The following GATA1 variants were observed in gnomAD, a reference collection of about 807,000 sequenced individuals.
The protein encoded by GATA1 is erythroid transcription factor.
Under a neutral mutation model 18.9 loss-of-function variants are expected in GATA1, and 2 were observed. The ratio of observed to expected loss-of-function variants is 0.11; its 90% CI spans 0.04 to 0.33. The LOEUF is 0.33. GATA1 is among the 10% of genes least tolerant of loss of function. The probability of loss-of-function intolerance (pLI) is 1.00; values close to 1 mark genes in which losing one functional copy is unlikely to be tolerated. For missense variants in GATA1, 272 were observed against 344.7 expected (o/e 0.79, Z 1.67); for synonymous variants, 152 against 149.1 (o/e 1.02, Z -0.14).
chrX:48,793,933 G>T lies in GATA1; in HGVS notation c.1011G>T (p.Val337=). The change falls in exon 6 of 6, where the codon GTG becomes GTT. Residue 337 remains valine, a synonymous_variant. Transcript: ENST00000376670. The part of the protein sequence containing the change: ...AEGPAGGFMV[V]AGGSGSGNCG... ...GACCAGCTGGTGGCTTTATGGTGGT[G>T]GCTGGGGGCAGCGGTAGCGGGAATT... The T allele has an allele frequency of 8.3e-7, 1 of 1,205,106 alleles. No homozygotes were observed. Among genetic ancestry groups the T allele is most frequent in the Non-Finnish European group, 1.1e-6 (1 of 891,777 alleles).
At chrX:48,791,787 G>T in intron 2 of GATA1, 57 bp from the exon 3 acceptor site, 1 of 1,191,719 alleles carries the variant, frequency 8.4e-7, no homozygotes. Context: ...CCTGACGTGC[G>T]CTGACCCTAG....
At position 48,791,293 on chromosome X, in the gene GATA1, T is replaced by G; in HGVS notation, c.184T>G (p.Tyr62Asp). 8 of 1,206,315 alleles carry G rather than the reference T, an allele frequency of 6.6e-6. No homozygotes were observed. The highest frequency in any genetic ancestry group is 9.0e-6 in the Non-Finnish European group (8 of 892,930). ...CACCGCTGCAGCTGCGGCACTGGCCTACTACAGGGACGCTGAGGCCTACAG... is the reference window on the plus strand; with the variant it reads ...CACCGCTGCAGCTGCGGCACTGGCCGACTACAGGGACGCTGAGGCCTACAG... ...TATAAAAALA[Y>D]YRDAEAYRHS... The change falls in exon 2 of 6, where the codon TAC becomes GAC. Residue 62 changes from tyrosine to aspartate, a missense_variant. Around this residue, in one of 3 missense-constraint regions of GATA1, gnomAD observed 147 missense variants for 157.4 expected, o/e 0.93. Transcript: ENST00000376670.
At chrX:48,788,586 A>G (rs1468120115) in intron 1 of GATA1, among the ~76,000 whole-genome samples, 9 of 111,689 alleles carry the variant, frequency 8.1e-5, no homozygotes, top group Non-Finnish European at 1.3e-4. Context: ...CTTTCCTAGC[A>G]TAACTCCCAA....
Position 48,793,852 on chromosome X carries a change from T to C in GATA1, c.930T>C (p.Ser310=). 1 of 1,208,936 alleles carries C rather than the reference T, an allele frequency of 8.3e-7. No homozygotes were observed. Among genetic ancestry groups the C allele is most frequent in the Middle Eastern group, 2.3e-4 (1 of 4,334 alleles). Residue 310 remains serine, a synonymous_variant, in exon 6 of 6, where the codon TCT becomes TCC. Transcript: ENST00000376670. ...DGIQTRNRKA[S]GKGKKKRGSS... Reference sequence around the variant, plus strand: ...TTCAGACTCGAAACCGCAAGGCATCTGGAAAAGGGAAAAAGAAACGGGGCT... The same window carrying C: ...TTCAGACTCGAAACCGCAAGGCATCCGGAAAAGGGAAAAAGAAACGGGGCT...
chrX:48,792,579 G>GCTA, intron 4 of GATA1, 111 bp downstream of exon 4: 2 of 978,790 alleles, frequency 2.0e-6, no homozygotes, highest in Non-Finnish European at 2.9e-6. Flanking sequence ...ATTACAGGAA[G>GCTA]CTACTGCAGG....
rs782198015 is a variant in GATA1, at chrX:48,794,043, G to C, written c.1121G>C (p.Gly374Ala). 1 of 1,209,631 alleles carries C rather than the reference G, an allele frequency of 8.3e-7. No homozygotes were observed. Among genetic ancestry groups the C allele is most frequent in the East Asian group, 3.0e-5 (1 of 33,727 alleles). Reference protein sequence around the residue: ...YQGLGPVVLSGPVSHLMPFPG... With the variant: ...YQGLGPVVLSAPVSHLMPFPG... ...GGCCTGGGCCCTGTGGTGCTGTCAG[G>C]GCCTGTTAGCCACCTCATGCCTTTC... The change falls in exon 6 of 6, where the codon GGG becomes GCG. Residue 374 changes from glycine to alanine, a missense_variant. This residue lies in a region of GATA1 where 83 missense variants were observed against 84.2 expected (regional missense o/e 0.99). Transcript: ENST00000376670.
At position 48,794,165 on chromosome X, in the gene GATA1, G is replaced by A. The variant is rs144017862; in HGVS notation, c.*1G>A. ...TGTGGTGGCTCCGCTCAGCTCATGA[G>A]GGCACAGAGCATGGCCTCCAGAGGA... is the stretch of plus-strand genomic sequence containing the variant. On this transcript the variant is annotated 3_prime_UTR_variant, in exon 6 of 6. Transcript: ENST00000376670. 80 of 1,184,201 alleles carry A rather than the reference G, an allele frequency of 6.8e-5. No homozygotes were observed. The African/African-American group carries it at 1.0e-3, about 15-fold the overall frequency.
In GATA1 at chrX:48,794,024, G is replaced by T; in HGVS notation, c.1102G>T (p.Gly368Cys). The part of the protein sequence containing the change: ...PGTAHLYQGL[G>C]PVVLSGPVSH... ...TACTGCCCATCTCTACCAAGGCCTGGGCCCTGTGGTGCTGTCAGGGCCTGT... is the reference window on the plus strand; with the variant it reads ...TACTGCCCATCTCTACCAAGGCCTGTGCCCTGTGGTGCTGTCAGGGCCTGT... Residue 368 changes from glycine to cysteine, a missense_variant, in exon 6 of 6, where the codon GGC becomes TGC. Physicochemically the swap from Gly to Cys is radical, Grantham distance 159 (BLOSUM62 -3). Coordinates refer to ENST00000376670, the MANE Select transcript of GATA1 (RefSeq NM_002049.4). 8.3e-7 allele frequency: 1 copy of T among 1,211,137 alleles called. No individual in the cohort carries two copies. The highest frequency in any genetic ancestry group is 1.1e-6 in the Non-Finnish European group (1 of 895,131).
intron 3 of GATA1, 38 bp downstream of exon 3, chrX:48,792,259 G>A (rs1401035115): frequency 8.3e-7 from 1 of 1,209,866 alleles, no homozygotes; most frequent in Non-Finnish European, 1.1e-6. Context: ...GTTGAGGTGG[G>A]AGGGGTGGCC....
intron 1 of GATA1, among the ~76,000 whole-genome samples, chrX:48,790,253 GACCAGCCTGGGCAACAGAGTCAT>G (rs2062669980): frequency 9.2e-6 from 1 of 109,023 alleles, no homozygotes; most frequent in Non-Finnish European, 1.9e-5. Context: ...AGGAGTTCAA[GACCAGCCTGGGCAACAGAGTCAT>G]ACCCCATTTC....
intron 1 of GATA1, among the ~76,000 whole-genome samples, chrX:48,790,115 G>T (rs1347065098): frequency 4.6e-5 from 5 of 108,911 alleles, no homozygotes; most frequent in African/African-American, 1.7e-4. Context: ...TGGAGGGGAG[G>T]AGAAAATGAG....
rs372469171 is a variant in GATA1, at chrX:48,792,458, A to G, written c.734A>G (p.Lys245Arg). Reference protein sequence around the residue: ...NGQNRPLIRPKKRLIVSKRAG... With the variant: ...NGQNRPLIRPRKRLIVSKRAG... The stretch of plus-strand genomic sequence containing the variant: ...CAGAACAGGCCCCTCATCCGGCCCA[A>G]GAAGCGCCTGGTAAGACCACAGACC... The change falls in exon 4 of 6, where the codon AAG becomes AGG. Residue 245 changes from lysine to arginine, a missense_variant. By Grantham distance (26) the Lys-to-Arg change is conservative. Transcript: ENST00000376670. 5 of 1,210,130 alleles carry G rather than the reference A, an allele frequency of 4.1e-6. No homozygotes were observed. The highest frequency in any genetic ancestry group is 5.6e-6 in the Non-Finnish European group (5 of 895,219).
chrX:48,786,799 T>A (rs2062659991), intron 1 of GATA1, among the ~76,000 whole-genome samples, 154 bp downstream of exon 1: 1 of 110,123 alleles, frequency 9.1e-6, no homozygotes, highest in African/African-American at 3.3e-5. Context: ...CACCTGTCTT[T>A]CCAACTCCCA....
intron 4 of GATA1, 115 bp from the exon 5 acceptor site, chrX:48,793,057 A>T: frequency 1.3e-6 from 1 of 794,100 alleles, no homozygotes; most frequent in Non-Finnish European, 1.9e-6. Flanking sequence ...CTGTAAACAA[A>T]GCCCTGCCTT....
intron 1 of GATA1, among the ~76,000 whole-genome samples, chrX:48,788,914 G>A (rs1405710315): frequency 4.5e-5 from 5 of 111,536 alleles, no homozygotes; most frequent in African/African-American, 1.6e-4. Flanking sequence ...AGAGAGATAG[G>A]AGAGGAGAGG....
rs1557020692 is a variant in GATA1, at chrX:48,794,256, C to T, written c.*92C>T. ...AACCCAAGTCTCTGGGCCCCAGGCACCCCCTGGCTTGAACCTTCAAAGCTT... is the reference window on the plus strand; with the variant it reads ...AACCCAAGTCTCTGGGCCCCAGGCATCCCCTGGCTTGAACCTTCAAAGCTT... On this transcript the variant is annotated 3_prime_UTR_variant, in exon 6 of 6. Coordinates refer to ENST00000376670, the MANE Select transcript of GATA1 (RefSeq NM_002049.4). The T allele has an allele frequency of 9.4e-7, 1 of 1,062,661 alleles. No homozygotes were observed. The highest frequency in any genetic ancestry group is 1.3e-6 in the Non-Finnish European group (1 of 780,421). The allele number at this position is 1,062,661 out of a possible 1,213,427, so 87.6% of individuals were successfully genotyped here.
chrX:48,794,119 G>A lies in GATA1; in HGVS notation c.1197G>A (p.Met399Ile). 1 of 1,188,302 alleles carries A rather than the reference G, an allele frequency of 8.4e-7. No individual in the cohort carries two copies. Among genetic ancestry groups the A allele is most frequent in the Non-Finnish European group, 1.1e-6 (1 of 883,718 alleles). ...CGGGCTCCTTCCCCACAGGCCCCATGCCCCCCACCACCAGCACTACTGTGG... is the reference window on the plus strand; with the variant it reads ...CGGGCTCCTTCCCCACAGGCCCCATACCCCCCACCACCAGCACTACTGTGG... ...SPTGSFPTGP[M>I]PPTTSTTVVA... The change falls in exon 6 of 6, where the codon ATG becomes ATA. Residue 399 changes from methionine (M) to isoleucine (I), a missense_variant. Around this residue, in one of 3 missense-constraint regions of GATA1, gnomAD observed 83 missense variants for 84.2 expected, o/e 0.99. Coordinates refer to ENST00000376670, the MANE Select transcript of GATA1 (RefSeq NM_002049.4).
In GATA1 at chrX:48,794,171, A is replaced by G; in HGVS notation, c.*7A>G. The G allele has an allele frequency of 8.4e-7, 1 of 1,186,175 alleles. No homozygotes were observed. The highest frequency in any genetic ancestry group is 1.1e-6 in the Non-Finnish European group (1 of 882,125). ...GGCTCCGCTCAGCTCATGAGGGCACAGAGCATGGCCTCCAGAGGAGGGGTG... is the reference window on the plus strand; with the variant it reads ...GGCTCCGCTCAGCTCATGAGGGCACGGAGCATGGCCTCCAGAGGAGGGGTG... On this transcript the variant is annotated 3_prime_UTR_variant, in exon 6 of 6. Transcript: ENST00000376670.
At position 48,792,459 on chromosome X, in the gene GATA1, G is replaced by T; in HGVS notation, c.735G>T (p.Lys245Asn). 1 of 1,211,696 alleles carries T rather than the reference G, an allele frequency of 8.3e-7. No homozygotes were observed. The highest frequency in any genetic ancestry group is 1.1e-6 in the Non-Finnish European group (1 of 895,505). Residue 245 changes from lysine (K) to asparagine (N), a missense_variant, in exon 4 of 6, where the codon AAG becomes AAT. By Grantham distance (94) the Lys-to-Asn change is moderately conservative. Around this residue, in one of 3 missense-constraint regions of GATA1, gnomAD observed 42 missense variants for 103.2 expected, o/e 0.41. Coordinates refer to ENST00000376670, the MANE Select transcript of GATA1 (RefSeq NM_002049.4). Reference protein sequence around the residue: ...NGQNRPLIRPKKRLIVSKRAG... With the variant: ...NGQNRPLIRPNKRLIVSKRAG... ...AGAACAGGCCCCTCATCCGGCCCAAGAAGCGCCTGGTAAGACCACAGACCT... is the reference window on the plus strand; with the variant it reads ...AGAACAGGCCCCTCATCCGGCCCAATAAGCGCCTGGTAAGACCACAGACCT...
Sources: gnomAD v4.1 joint callset for allele counts (sites outside exome capture counted in the v4.1 genomes callset) on GRCh38, gnomAD v4.1.1 for gene constraint, gnomAD v4.1.1 regional missense constraint, MANE v1.5 for transcripts, NCBI Gene and HGNC (gene_info 2026-07-23, HGNC 2026-07-21) for gene names.